NAALADL2: variants seen among roughly 807,000 people sequenced by gnomAD.
The protein encoded by NAALADL2 is N-acetylated alpha-linked acidic dipeptidase like 2.
A neutral mutation model predicts 87.2 loss-of-function variants in NAALADL2; 76 were observed. The ratio of observed to expected loss-of-function variants is 0.87; its 90% confidence interval spans 0.72 to 1.05. NAALADL2 has a LOEUF of 1.05. NAALADL2 is among the 50% of genes least tolerant of loss of function. The pLI is 0.00. For synonymous variants in NAALADL2, 354 were observed against 331.0 expected, an observed-to-expected ratio of 1.07 and a Z score of -0.75; for missense variants, 1,089 against 945.8, an observed-to-expected ratio of 1.15 and a Z score of -1.99.
intron 2 of NAALADL2, among the ~76,000 whole-genome samples, chr3:175,184,033 G>A (rs1736983296): frequency 6.6e-6 from 1 of 152,032 alleles, no homozygotes; most frequent in South Asian, 2.1e-4. Flanking sequence ...GCCATCATAA[G>A]TATTATTGTT....
intron 3 of NAALADL2, among the ~76,000 whole-genome samples, chr3:174,749,956 CTTTA>C (rs1346583046): frequency 6.6e-6 from 1 of 152,176 alleles, no homozygotes; most frequent in Non-Finnish European, 1.5e-5. Flanking sequence ...TAAAATTCTT[CTTTA>C]TTTTTCATTT....
intron 2 of NAALADL2, among the ~76,000 whole-genome samples, chr3:174,632,843 G>A (rs1299454668): frequency 4.8e-5 from 7 of 146,312 alleles, no homozygotes; most frequent in East Asian, 4.1e-4. Context: ...GCTGAGGCAC[G>A]AGAATCACTT....
In NAALADL2 at chr3:175,033,191, G is replaced by A. The variant is rs1049251244; in HGVS notation, c.44-63599G>A. Among the ~76,000 whole-genome samples the A allele has an allele frequency of 7.2e-5, 11 of 152,024 alleles. No individual in the cohort carries two copies. The East Asian group carries it at 9.8e-4, about 13-fold the overall frequency. On this transcript the variant is annotated intron_variant, in intron 1 of 13. Coordinates refer to ENST00000454872, the MANE Select transcript of NAALADL2 (RefSeq NM_207015.3). Reference sequence around the variant, plus strand: ...GTTAATGGCTCTGATGATATTTGATGGTTTCCATAAATGTGTTGTTAGTGG... The same window carrying A: ...GTTAATGGCTCTGATGATATTTGATAGTTTCCATAAATGTGTTGTTAGTGG...
intron 4 of NAALADL2, among the ~76,000 whole-genome samples, chr3:175,312,634 G>A (rs985718915): frequency 6.6e-6 from 1 of 152,248 alleles, no homozygotes; most frequent in East Asian, 1.9e-4. Flanking sequence ...AAAAGATTAC[G>A]AGACTTGAAT....
chr3:175,643,418 G>T (rs1018831028), intron 11 of NAALADL2, among the ~76,000 whole-genome samples: 1 of 152,120 alleles, frequency 6.6e-6, no homozygotes, highest in Non-Finnish European at 1.5e-5. Flanking sequence ...ACTGGGTAAC[G>T]CCAAATTGCT....
intron 2 of NAALADL2, among the ~76,000 whole-genome samples, chr3:174,644,017 T>C (rs940831923): frequency 1.1e-4 from 17 of 152,208 alleles, no homozygotes; most frequent in African/African-American, 3.9e-4. Context: ...TAGTTTATTG[T>C]ATAATTTTGT....
At chr3:175,699,061 C>T (rs1303395561) in intron 11 of NAALADL2, among the ~76,000 whole-genome samples, 5 of 151,900 alleles carry the variant, frequency 3.3e-5, no homozygotes, top group African/African-American at 9.6e-5. Flanking sequence ...AAGTACTTTT[C>T]CTTTACATAT....
chr3:175,636,200 G>T (rs1023114609), intron 11 of NAALADL2, among the ~76,000 whole-genome samples: 2 of 150,200 alleles, frequency 1.3e-5, no homozygotes, highest in Admixed American at 1.3e-4. Context: ...ATCCTAAATT[G>T]TGTGTGTGTG....
At chr3:174,573,766 G>A (rs1024463259) in intron 2 of NAALADL2, among the ~76,000 whole-genome samples, 3 of 152,106 alleles carry the variant, frequency 2.0e-5, no homozygotes, top group African/African-American at 7.2e-5. Flanking sequence ...ACACTCATGA[G>A]AATGGCATCA....
intron 4 of NAALADL2, 60 bp downstream of exon 4, chr3:175,256,590 T>C: frequency 6.5e-7 from 1 of 1,547,768 alleles, no homozygotes; most frequent in Non-Finnish European, 8.8e-7. Flanking sequence ...TTTGTTGGAA[T>C]TATATGCTTT....
intron 1 of NAALADL2, among the ~76,000 whole-genome samples, chr3:175,044,977 A>G (rs1754500230): frequency 6.6e-6 from 1 of 151,452 alleles, no homozygotes; most frequent in Non-Finnish European, 1.5e-5. Flanking sequence ...CCCTTTACAC[A>G]TAATAGGATG....
At chr3:175,575,552 TGGGATTACA>T (rs1316790642) in intron 9 of NAALADL2, among the ~76,000 whole-genome samples, 1 of 152,178 alleles carries the variant, frequency 6.6e-6, no homozygotes, top group East Asian at 1.9e-4. Context: ...CCCAAAGTGC[TGGGATTACA>T]GGGGTGAGCC....
At chr3:174,450,689 G>C (rs955185134) in intron 1 of NAALADL2, among the ~76,000 whole-genome samples, 2 of 151,926 alleles carry the variant, frequency 1.3e-5, no homozygotes, top group Non-Finnish European at 2.9e-5. Flanking sequence ...GGCCAACATG[G>C]TGAAACCCCG....
chr3:175,078,093 C>T (rs368730508), intron 1 of NAALADL2, among the ~76,000 whole-genome samples: 191 of 151,306 alleles, frequency 1.3e-3, no homozygotes, highest in African/African-American at 4.5e-3. Flanking sequence ...GGCATAATCT[C>T]TGATCACTGC....
intron 11 of NAALADL2, among the ~76,000 whole-genome samples, chr3:175,648,029 G>C (rs891306771): frequency 6.6e-6 from 1 of 152,156 alleles, no homozygotes; most frequent in Admixed American, 6.6e-5. Flanking sequence ...GCCATGTTTT[G>C]TCTTTCCATT....
At chr3:174,578,157 A>G (rs1715751863) in intron 2 of NAALADL2, among the ~76,000 whole-genome samples, 1 of 152,046 alleles carries the variant, frequency 6.6e-6, no homozygotes, top group South Asian at 2.1e-4. Flanking sequence ...TGAGTCTAGC[A>G]TATCTGTATT....
intron 3 of NAALADL2, among the ~76,000 whole-genome samples, chr3:174,765,145 A>T (rs1719777): frequency 0.036 from 5,144 of 142,318 alleles, 286 homozygotes; most frequent in African/African-American, 0.13. Flanking sequence ...CACACACACG[A>T]GAGAGAGAGA....
intron 4 of NAALADL2, among the ~76,000 whole-genome samples, chr3:175,289,990 T>C (rs940143630): frequency 6.6e-6 from 1 of 152,146 alleles, no homozygotes; most frequent in African/African-American, 2.4e-5. Flanking sequence ...ATATTATTAA[T>C]TGTCAGGGAG....
At chr3:174,465,106 T>G (rs932338653) in intron 1 of NAALADL2, among the ~76,000 whole-genome samples, 1 of 152,162 alleles carries the variant, frequency 6.6e-6, no homozygotes, top group Non-Finnish European at 1.5e-5. Flanking sequence ...TTTTTAAATT[T>G]TAAAACTTTT....
Sources: gnomAD v4.1 joint callset for allele counts (sites outside exome capture counted in the v4.1 genomes callset) on GRCh38, gnomAD v4.1.1 for gene constraint, MANE v1.5 for transcripts, NCBI Gene and HGNC (gene_info 2026-07-23, HGNC 2026-07-21) for gene names.